KCNH5: variants seen among roughly 807,000 people sequenced by gnomAD.
KCNH5 encodes the protein voltage-gated delayed rectifier potassium channel KCNH5.
A neutral mutation model predicts 96.1 loss-of-function variants in KCNH5; 46 were observed. The ratio of observed to expected loss-of-function variants is 0.48; its 90% CI spans 0.38 to 0.61. KCNH5 has a LOEUF of 0.61. Ranked by LOEUF, KCNH5 falls within the 20% of genes least tolerant of loss-of-function variation. KCNH5 has a pLI of 0.00. For missense variants in KCNH5, 907 were observed against 1,225.8 expected (o/e 0.74, Z 3.88); for synonymous variants, 439 against 449.8 (o/e 0.98, Z 0.30).
At chr14:62,984,760 A>G (rs1890672563) in intron 5 of KCNH5, among the ~76,000 whole-genome samples, 1 of 152,214 alleles carries the variant, frequency 6.6e-6, no homozygotes, top group Admixed American at 6.5e-5. Flanking sequence ...CACAGAGCAA[A>G]GAAAAAAAAA....
At chr14:62,750,809 C>A (rs1410042153) in intron 10 of KCNH5, among the ~76,000 whole-genome samples, 1 of 152,144 alleles carries the variant, frequency 6.6e-6, no homozygotes, top group Non-Finnish European at 1.5e-5. Flanking sequence ...ATTAATTCTG[C>A]CTTTTGAGCT....
At chr14:62,742,888 G>A (rs921867056) in intron 10 of KCNH5, among the ~76,000 whole-genome samples, 9 of 152,090 alleles carry the variant, frequency 5.9e-5, no homozygotes, top group Admixed American at 1.3e-4. Context: ...ATACTGAATC[G>A]TAGTGACCTG....
chr14:62,934,404 T>C (rs1303076831), intron 7 of KCNH5, among the ~76,000 whole-genome samples: 1 of 152,200 alleles, frequency 6.6e-6, no homozygotes, highest in Non-Finnish European at 1.5e-5. Context: ...TATCCAAATT[T>C]CATAATCAAA....
intron 10 of KCNH5, among the ~76,000 whole-genome samples, chr14:62,759,573 A>ATATATATATATATATATTTTTTTTTTTT (rs1171935428): frequency 9.3e-5 from 14 of 151,080 alleles, no homozygotes; most frequent in South Asian, 2.2e-4. Flanking sequence ...CGTAGGGTAT[A>ATATATATATATATATATTTTTTTTTTTT]TTTTTTAATA....
At chr14:63,010,644 G>A (rs184974833) in intron 2 of KCNH5, among the ~76,000 whole-genome samples, 129 of 152,266 alleles carry the variant, frequency 8.5e-4, no homozygotes, top group Admixed American at 2.4e-3. Context: ...TACCCAGCTC[G>A]CCTAGGCATC....
intron 7 of KCNH5, among the ~76,000 whole-genome samples, chr14:62,910,738 A>T (rs1327670691): frequency 1.3e-5 from 2 of 152,086 alleles, no homozygotes; most frequent in Non-Finnish European, 2.9e-5. Context: ...CGGTTCTTTG[A>T]GCACATCAGG....
intron 1 of KCNH5, among the ~76,000 whole-genome samples, chr14:63,017,747 T>C (rs1262873706): frequency 6.6e-6 from 1 of 151,372 alleles, no homozygotes; most frequent in African/African-American, 2.4e-5. Context: ...ATTTTTAATA[T>C]AAATAATTTA....
At chr14:62,899,246 T>G (rs1384501869) in intron 7 of KCNH5, among the ~76,000 whole-genome samples, 1 of 152,054 alleles carries the variant, frequency 6.6e-6, no homozygotes, top group Non-Finnish European at 1.5e-5. Context: ...AAAAAAATAT[T>G]AAAAATTAAT....
chr14:62,834,142 T>C (rs1373325114), intron 8 of KCNH5, among the ~76,000 whole-genome samples: 1 of 152,040 alleles, frequency 6.6e-6, no homozygotes, highest in African/African-American at 2.4e-5. Flanking sequence ...TTTCATCTAA[T>C]ATCACCAGCC....
At chr14:62,960,587 C>T (rs1890188548) in intron 6 of KCNH5, among the ~76,000 whole-genome samples, 1 of 152,084 alleles carries the variant, frequency 6.6e-6, no homozygotes, top group Admixed American at 6.6e-5. Context: ...GTTTCATAAG[C>T]ATTGGGCCCT....
intron 10 of KCNH5, among the ~76,000 whole-genome samples, chr14:62,748,345 T>C (rs2139942081): frequency 1.3e-5 from 2 of 152,342 alleles, no homozygotes; most frequent in South Asian, 4.1e-4. Flanking sequence ...AAAGCAAAAT[T>C]AGGAATGTCT....
chr14:62,736,829 C>G (rs1885168601), intron 10 of KCNH5, among the ~76,000 whole-genome samples: 1 of 152,190 alleles, frequency 6.6e-6, no homozygotes, highest in Admixed American at 6.5e-5. Context: ...TGTTTCTTTT[C>G]TCTTTCTTTA....
chr14:62,963,463 T>A (rs2139546148), intron 6 of KCNH5, among the ~76,000 whole-genome samples: 1 of 152,206 alleles, frequency 6.6e-6, no homozygotes, highest in East Asian at 1.9e-4. Flanking sequence ...GTCTGCCATC[T>A]GCAACCAGGA....
intron 8 of KCNH5, among the ~76,000 whole-genome samples, chr14:62,823,645 T>G (rs981582589): frequency 5.3e-5 from 8 of 152,092 alleles, no homozygotes; most frequent in African/African-American, 1.9e-4. Context: ...TTATAAACAC[T>G]TCAGATTATT....
In KCNH5 at chr14:62,925,831, G is replaced by A. The variant is rs558773765; in HGVS notation, c.1369+24302C>T. On this transcript the variant is annotated intron_variant, in intron 7 of 10. Coordinates refer to ENST00000322893, the MANE Select transcript of KCNH5 (RefSeq NM_139318.5). The stretch of plus-strand genomic sequence containing the variant: ...GACTATAAATAATAGTTAAATGGTT[G>A]AGTGCTCTCTGACATAAAATTAAAG... Among the ~76,000 whole-genome samples, 64 of 152,110 alleles carry A rather than the reference G, an allele frequency of 4.2e-4. 1 individual carries two copies. The South Asian group carries it at 0.012, about 29-fold the overall frequency.
intron 9 of KCNH5, among the ~76,000 whole-genome samples, chr14:62,797,545 A>G (rs1163072486): frequency 2.6e-5 from 4 of 152,202 alleles, no homozygotes; most frequent in African/African-American, 2.4e-5. Flanking sequence ...TCTAACAGCA[A>G]GTGCACAGGA....
intron 6 of KCNH5, among the ~76,000 whole-genome samples, chr14:62,954,304 C>T (rs1421777871): frequency 6.6e-6 from 1 of 152,168 alleles, no homozygotes; most frequent in African/African-American, 2.4e-5. Context: ...ATTCGATATC[C>T]TTCCTTTATG....
intron 10 of KCNH5, among the ~76,000 whole-genome samples, chr14:62,766,030 A>G (rs1885852342): frequency 6.6e-6 from 1 of 152,196 alleles, no homozygotes; most frequent in Non-Finnish European, 1.5e-5. Flanking sequence ...AATGGGCAAA[A>G]GATTTGAAAA....
intron 8 of KCNH5, 150 bp downstream of exon 8, chr14:62,849,503 A>C: frequency 1.6e-6 from 1 of 633,082 alleles, no homozygotes; most frequent in Non-Finnish European, 2.7e-6. Context: ...TAAGCACTTA[A>C]TAAATATGAC....
Sources: allele counts gnomAD v4.1 joint callset (sites outside exome capture counted in the v4.1 genomes callset), GRCh38; gene constraint gnomAD v4.1.1; transcripts MANE v1.5; gene names NCBI Gene and HGNC (gene_info 2026-07-23, HGNC 2026-07-21).